Variants in RPS6KA6 observed in about 807,000 individuals in gnomAD.
RPS6KA6 encodes ribosomal protein S6 kinase alpha-6.
In RPS6KA6, 27 loss-of-function variants were observed where a neutral mutation model predicts 65.4. The ratio of observed to expected loss-of-function variants is 0.41; its 90% CI spans 0.30 to 0.57. The LOEUF is 0.57. Among genes scored for constraint, RPS6KA6 ranks in the 20% least tolerant of loss-of-function variants. The pLI, the probability that RPS6KA6 is intolerant of heterozygous loss-of-function variation, is 0.24. For missense variants in RPS6KA6, 486 were observed against 555.6 expected, an observed-to-expected ratio of 0.87 and a Z score of 1.26; for synonymous variants, 190 against 184.2, an observed-to-expected ratio of 1.03 and a Z score of -0.26.
intron 20 of RPS6KA6, among the ~76,000 whole-genome samples, chrX:84,070,040 C>A (rs979796913): frequency 8.9e-6 from 1 of 111,818 alleles, no homozygotes. Context: ...TACCATTTGA[C>A]CCAGCAATCC....
At chrX:84,103,479 A>G (rs991042180) in intron 17 of RPS6KA6, among the ~76,000 whole-genome samples, 5 of 111,469 alleles carry the variant, frequency 4.5e-5, no homozygotes, top group African/African-American at 1.6e-4. Flanking sequence ...AGAGTTTACT[A>G]TGCTAAAGCT....
At chrX:84,067,999 A>T (rs2033443347) in intron 20 of RPS6KA6, among the ~76,000 whole-genome samples, 1 of 111,977 alleles carries the variant, frequency 8.9e-6, no homozygotes, top group African/African-American at 3.3e-5. Context: ...TCAACCCAGA[A>T]TTTCATATAC....
chrX:84,171,475 T>C (rs1352459764), intron 1 of RPS6KA6, among the ~76,000 whole-genome samples: 1 of 111,915 alleles, frequency 8.9e-6, no homozygotes, highest in Admixed American at 9.4e-5. Context: ...CTCACATATT[T>C]GTTCTCATTT....
rs1254494251 is a variant in RPS6KA6 at position 84,062,110 on chromosome X, G to A, written c.*2167C>T. The A allele has an allele frequency of 8.9e-6, 1 of 111,758 alleles. No individual in the cohort carries two copies. The highest frequency in any genetic ancestry group is 1.9e-5 in the Non-Finnish European group (1 of 53,021). 9.2% of individuals were successfully genotyped at this position (111,758 alleles called of 1,213,427 possible). A position where few individuals can be genotyped will look rare whatever the true frequency, so the allele number is the denominator to read the frequency against. On this transcript the variant is annotated 3_prime_UTR_variant, in exon 22 of 22. Transcript: ENST00000262752. ...TATACACTGTCAGTCCTCACTGGGT[G>A]ATCAGAAATCATGCTGTTCATTGCT...
intron 18 of RPS6KA6, among the ~76,000 whole-genome samples, chrX:84,098,224 C>T (rs1346661324): frequency 9.0e-6 from 1 of 111,281 alleles, no homozygotes; most frequent in African/African-American, 3.2e-5. Context: ...AGTAGTAGAA[C>T]ACGAAGTCTT....
At chrX:84,136,395 A>AT (rs758149941) in intron 6 of RPS6KA6, among the ~76,000 whole-genome samples, 1 of 111,566 alleles carries the variant, frequency 9.0e-6, no homozygotes, top group South Asian at 3.7e-4. Flanking sequence ...TTAGTAGTTA[A>AT]TAACTTCTGA....
chrX:84,077,131 A>G (rs1485328407), intron 20 of RPS6KA6, among the ~76,000 whole-genome samples: 1 of 111,702 alleles, frequency 9.0e-6, no homozygotes, highest in Non-Finnish European at 1.9e-5. Context: ...GTTTATAGAT[A>G]AGAAAAGTCA....
At chrX:84,109,001 G>A (rs2034417021) in intron 12 of RPS6KA6, among the ~76,000 whole-genome samples, 3 of 111,992 alleles carry the variant, frequency 2.7e-5, no homozygotes, top group Non-Finnish European at 5.6e-5. Context: ...TTAGAGCCCA[G>A]CCCCCAGAGG....
At chrX:84,168,936 C>T (rs934787288) in intron 1 of RPS6KA6, among the ~76,000 whole-genome samples, 33 of 111,877 alleles carry the variant, frequency 2.9e-4, no homozygotes, top group Admixed American at 2.3e-3. Context: ...ATTCATCCTA[C>T]GGAGAACCAC....
chrX:84,172,014 A>C lies in RPS6KA6; in HGVS notation c.82-7627T>G, dbSNP rs760526860. 1.3e-4 allele frequency among the ~76,000 whole-genome samples: 14 copies of C among 111,734 alleles called. No homozygotes were observed. In the South Asian group the frequency reaches 4.9e-3, roughly 39 times the overall value. On this transcript the variant is annotated intron_variant, in intron 1 of 21. Coordinates refer to ENST00000262752, the MANE Select transcript of RPS6KA6 (RefSeq NM_014496.5). ...ATGTCCCTGCAAAGGACATGAACTC[A>C]TTCTTTTTATGGCTGCATAGTATTC...
At chrX:84,067,863 A>C (rs758103497) in intron 20 of RPS6KA6, among the ~76,000 whole-genome samples, 2 of 111,950 alleles carry the variant, frequency 1.8e-5, no homozygotes, top group Admixed American at 1.9e-4. Flanking sequence ...AAGGGCAGCC[A>C]GAGAGAAAGG....
intron 2 of RPS6KA6, among the ~76,000 whole-genome samples, chrX:84,162,109 C>T (rs1399791422): frequency 9.1e-6 from 1 of 110,225 alleles, no homozygotes; most frequent in African/African-American, 3.3e-5. Flanking sequence ...CTTGACATTG[C>T]TGAAAGAAGT....
At chrX:84,105,290 G>C (rs748611109) in intron 16 of RPS6KA6, among the ~76,000 whole-genome samples, 1 of 110,983 alleles carries the variant, frequency 9.0e-6, no homozygotes, top group South Asian at 3.7e-4. Flanking sequence ...AAAGAGAAAA[G>C]AACATTATCT....
Position 84,084,029 on chromosome X carries a change from G to A in RPS6KA6, c.1971+12165C>T, listed in dbSNP as rs915504066. ...CTACATAAATGTCTTCTTTTGAGAA[G>A]TGTCTGTTCTTCTCCTTTGACAACT... On this transcript the variant is annotated intron_variant, in intron 20 of 21. Coordinates refer to ENST00000262752, the MANE Select transcript of RPS6KA6 (RefSeq NM_014496.5). Among the ~76,000 whole-genome samples, 4 of 111,769 alleles carry A rather than the reference G, an allele frequency of 3.6e-5. No homozygotes were observed. In the East Asian group the frequency reaches 1.1e-3, roughly 31 times the overall value.
intron 20 of RPS6KA6, among the ~76,000 whole-genome samples, chrX:84,094,409 G>A (rs988622841): frequency 1.8e-5 from 2 of 108,850 alleles, no homozygotes; most frequent in South Asian, 4.0e-4. Flanking sequence ...TTGGGAGGCC[G>A]AGGCAGGCGG....
chrX:84,132,706 G>A (rs965452346), intron 8 of RPS6KA6, among the ~76,000 whole-genome samples: 1 of 106,552 alleles, frequency 9.4e-6, no homozygotes, highest in Non-Finnish European at 1.9e-5. Flanking sequence ...ATATTAGCAA[G>A]GATGTAGATC....
intron 20 of RPS6KA6, among the ~76,000 whole-genome samples, chrX:84,090,111 G>T (rs1364346555): frequency 8.9e-6 from 1 of 112,102 alleles, no homozygotes; most frequent in African/African-American, 3.2e-5. Flanking sequence ...TCATGTATCT[G>T]AGGTAAAACT....
At chrX:84,109,775 C>A (rs1180723492) in intron 12 of RPS6KA6, among the ~76,000 whole-genome samples, 1 of 110,574 alleles carries the variant, frequency 9.0e-6, no homozygotes, top group Non-Finnish European at 1.9e-5. Flanking sequence ...CAGCAGGAGT[C>A]TAGAGACTTA....
intron 20 of RPS6KA6, among the ~76,000 whole-genome samples, chrX:84,073,773 T>C (rs1440205164): frequency 9.0e-6 from 1 of 110,641 alleles, no homozygotes; most frequent in South Asian, 3.8e-4. Flanking sequence ...AATAGGTATA[T>C]GGAAAAATGC....
Sources: gnomAD v4.1 joint callset for allele counts (sites outside exome capture counted in the v4.1 genomes callset) on GRCh38, gnomAD v4.1.1 for gene constraint, MANE v1.5 for transcripts, NCBI Gene and HGNC (gene_info 2026-07-23, HGNC 2026-07-21) for gene names.